SNX9: variants seen among roughly 807,000 people sequenced by gnomAD.
The protein encoded by SNX9 is sorting nexin-9.
SNX9 carries 44 observed loss-of-function variants against 89.4 expected under a neutral mutation model. The observed-to-expected ratio is 0.49, with a 90% CI of 0.39 to 0.63. The LOEUF is 0.63. SNX9 is among the 30% of genes least tolerant of loss of function. The pLI, the probability that SNX9 is intolerant of heterozygous loss-of-function variation, is 0.00. For synonymous variants in SNX9, 236 were observed against 247.8 expected (o/e 0.95, Z 0.45); for missense variants, 578 against 736.1 (o/e 0.79, Z 2.49).
chr6:157,938,586 C>A, intron 15 of SNX9, 47 bp from the exon 16 acceptor site: 2 of 1,246,460 alleles, frequency 1.6e-6, no homozygotes, highest in African/African-American at 1.5e-5. Flanking sequence ...AAACTAATGA[C>A]TAATCATTTC....
intron 6 of SNX9, 39 bp downstream of exon 6, chr6:157,902,084 A>C (rs1783111511): frequency 6.2e-7 from 1 of 1,600,394 alleles, no homozygotes; most frequent in African/African-American, 1.3e-5. Flanking sequence ...GGGCCGTGGT[A>C]GAAGTATACA....
chr6:157,932,687 G>A (rs1430460099), intron 13 of SNX9, among the ~76,000 whole-genome samples: 1 of 151,458 alleles, frequency 6.6e-6, no homozygotes, highest in Non-Finnish European at 1.5e-5. Flanking sequence ...GCAACATGGT[G>A]AGACCCCCAT....
At chr6:157,851,487 A>G (rs542507513) in intron 1 of SNX9, among the ~76,000 whole-genome samples, 76 of 152,298 alleles carry the variant, frequency 5.0e-4, no homozygotes, top group African/African-American at 1.6e-3. Flanking sequence ...GCATTAAACA[A>G]TAACTCCCCA....
At chr6:157,898,266 T>C (rs566657062) in intron 5 of SNX9, among the ~76,000 whole-genome samples, 1 of 152,312 alleles carries the variant, frequency 6.6e-6, no homozygotes, top group East Asian at 1.9e-4. Flanking sequence ...AACTCTAACT[T>C]TAGTTCAGTC....
chr6:157,878,573 C>T (rs1410648256), intron 4 of SNX9, among the ~76,000 whole-genome samples: 2 of 151,942 alleles, frequency 1.3e-5, no homozygotes, highest in African/African-American at 2.4e-5. Flanking sequence ...GCTGGGACTA[C>T]AGGTGCCCGC....
At chr6:157,942,734 T>C in intron 17 of SNX9, 57 bp from the exon 18 acceptor site, 1 of 1,561,768 alleles carries the variant, frequency 6.4e-7, no homozygotes, top group African/African-American at 1.4e-5. Flanking sequence ...TAAAGAACAC[T>C]GTGAGGTCGT....
At chr6:157,834,149 G>GAT in intron 1 of SNX9, among the ~76,000 whole-genome samples, 1 of 60,068 alleles carries the variant, frequency 1.7e-5, no homozygotes, top group African/African-American at 6.6e-5. Context: ...TGTCCACTGT[G>GAT]GTTTTTTTTT....
At chr6:157,850,160 G>A (rs894156173) in intron 1 of SNX9, among the ~76,000 whole-genome samples, 25 of 152,298 alleles carry the variant, frequency 1.6e-4, no homozygotes, top group African/African-American at 5.8e-4. Flanking sequence ...AATGTCAGAC[G>A]CAGTCAGGCA....
chr6:157,927,256 C>G (rs1783713629), intron 11 of SNX9, 42 bp downstream of exon 11: 1 of 1,415,844 alleles, frequency 7.1e-7, no homozygotes, highest in East Asian at 2.3e-5. Flanking sequence ...CAATCCGCAC[C>G]CTCCTCCTTT....
chr6:157,897,956 T>C (rs1352127993), intron 5 of SNX9, among the ~76,000 whole-genome samples: 1 of 152,196 alleles, frequency 6.6e-6, no homozygotes, highest in African/African-American at 2.4e-5. Flanking sequence ...TCACCTCATT[T>C]GAACAAAAGA....
chr6:157,889,927 T>TTTAATCCTTACAGGAGGATAATG (rs1405855668), intron 4 of SNX9, among the ~76,000 whole-genome samples: 33 of 152,240 alleles, frequency 2.2e-4, no homozygotes, highest in Non-Finnish European at 4.6e-4. Context: ...CATTATGTCA[T>TTTAATCCTTACAGGAGGATAATG]TTAATCCTTA....
chr6:157,930,132 C>G (rs140969244), intron 12 of SNX9, among the ~76,000 whole-genome samples: 1 of 152,268 alleles, frequency 6.6e-6, no homozygotes, highest in East Asian at 1.9e-4. Flanking sequence ...CAACCATTGG[C>G]CAATAACTAC....
At chr6:157,903,295 A>C (rs1460339958) in intron 6 of SNX9, among the ~76,000 whole-genome samples, 3 of 152,222 alleles carry the variant, frequency 2.0e-5, no homozygotes, top group Admixed American at 6.5e-5. Context: ...TTTAGACATC[A>C]AGATCTAGGT....
intron 4 of SNX9, among the ~76,000 whole-genome samples, chr6:157,887,846 C>T (rs934079147): frequency 2.0e-5 from 3 of 152,304 alleles, no homozygotes; most frequent in East Asian, 3.9e-4. Context: ...CTGTCGTCCA[C>T]TATATAAATG....
intron 9 of SNX9, among the ~76,000 whole-genome samples, chr6:157,914,949 TG>T (rs1783431187): frequency 6.6e-6 from 1 of 152,230 alleles, no homozygotes; most frequent in African/African-American, 2.4e-5. Flanking sequence ...TGATGCATTT[TG>T]AGGTTATTTT....
At position 157,829,416 on chromosome 6, in the gene SNX9, A is replaced by G. The variant is rs182214547; in HGVS notation, c.12+5970A>G. 2.0e-5 allele frequency: 3 copies of G among 152,312 alleles called. No individual in the cohort carries two copies. In the East Asian group the frequency reaches 5.8e-4, roughly 29 times the overall value. The allele number at this position is 152,312 out of a possible 1,614,324, so 9.4% of individuals were successfully genotyped here. On this transcript the variant is annotated intron_variant, in intron 1 of 17. Coordinates refer to ENST00000392185, the MANE Select transcript of SNX9 (RefSeq NM_016224.5). ...ATTTGTTGAGGCTAACTTTATTCCCAGCATACAGTCAGCTTTTATGTTTCA... is the reference window on the plus strand; with the variant it reads ...ATTTGTTGAGGCTAACTTTATTCCCGGCATACAGTCAGCTTTTATGTTTCA...
At chr6:157,856,428 AG>A (rs1199708235) in intron 1 of SNX9, among the ~76,000 whole-genome samples, 3 of 152,220 alleles carry the variant, frequency 2.0e-5, no homozygotes, top group Non-Finnish European at 4.4e-5. Flanking sequence ...TTCATCTGTA[AG>A]TATTTTCATG....
chr6:157,826,952 A>ATGGTT, intron 1 of SNX9, among the ~76,000 whole-genome samples: 2 of 84,516 alleles, frequency 2.4e-5, no homozygotes, highest in African/African-American at 1.1e-4. Context: ...AAAATATATT[A>ATGGTT]TAGTTTATAT....
intron 1 of SNX9, chr6:157,829,092 G>T (rs1307434278): frequency 6.6e-6 from 1 of 151,944 alleles, no homozygotes; most frequent in Non-Finnish European, 1.5e-5. Context: ...TAGTGTATTT[G>T]TTAAAAGTGT....
Sources: gnomAD v4.1 joint callset for allele counts (sites outside exome capture counted in the v4.1 genomes callset) on GRCh38, gnomAD v4.1.1 for gene constraint, MANE v1.5 for transcripts, NCBI Gene and HGNC (gene_info 2026-07-23, HGNC 2026-07-21) for gene names.